Variants in OPHN1 observed in about 807,000 individuals in gnomAD.
OPHN1 encodes the protein oligophrenin 1.
Under a neutral mutation model 60.7 loss-of-function variants are expected in OPHN1, and 11 were observed. The ratio of observed to expected loss-of-function variants is 0.18; its 90% CI spans 0.11 to 0.30. The LOEUF (loss-of-function observed/expected upper bound fraction) is 0.30. Among genes scored for constraint, OPHN1 ranks in the 10% least tolerant of loss-of-function variants. The probability of loss-of-function intolerance (pLI) is 1.00; values close to 1 mark genes in which losing one functional copy is unlikely to be tolerated. For synonymous variants in OPHN1, 226 were observed against 222.6 expected, an observed-to-expected ratio of 1.02 and a Z score of -0.14; for missense variants, 449 against 611.0, an observed-to-expected ratio of 0.73 and a Z score of 2.80.
intron 18 of OPHN1, among the ~76,000 whole-genome samples, chrX:68,103,976 T>C (rs1469496500): frequency 8.9e-6 from 1 of 112,062 alleles, no homozygotes; most frequent in Non-Finnish European, 1.9e-5. Context: ...CAGCAAAGTC[T>C]CAGAAAACAA....
chrX:68,043,601 C>T lies in OPHN1; in HGVS notation c.*3571G>A, dbSNP rs1461943788. Reference sequence around the variant, plus strand: ...TTCTAGTTATTACAGAATCAAAGAACTTCTTGAAAAGAGAATACTTTCCCA... The same window carrying T: ...TTCTAGTTATTACAGAATCAAAGAATTTCTTGAAAAGAGAATACTTTCCCA... On this transcript the variant is annotated 3_prime_UTR_variant, in exon 25 of 25. Transcript: ENST00000355520. 1 of 111,328 alleles carries T rather than the reference C, an allele frequency of 9.0e-6. No individual in the cohort carries two copies. Among genetic ancestry groups the T allele is most frequent in the African/African-American group, 3.3e-5 (1 of 30,597 alleles). The allele number at this position is 111,328 out of a possible 1,213,427, so 9.2% of individuals were successfully genotyped here.
intron 2 of OPHN1, among the ~76,000 whole-genome samples, chrX:68,317,495 G>GAA (rs1445346072): frequency 2.3e-5 from 2 of 87,761 alleles, no homozygotes; most frequent in African/African-American, 8.9e-5. Context: ...GAGAGGGAGG[G>GAA]AGAGAGGGAG....
chrX:68,065,658 A>T (rs1270445133), intron 20 of OPHN1, among the ~76,000 whole-genome samples: 3 of 111,733 alleles, frequency 2.7e-5, no homozygotes, highest in Non-Finnish European at 5.6e-5. Context: ...CTGTACCTCA[A>T]ATTTTCTCCT....
chrX:68,420,530 A>G (rs1299912014), intron 2 of OPHN1, among the ~76,000 whole-genome samples: 1 of 111,604 alleles, frequency 9.0e-6, no homozygotes, highest in Admixed American at 9.6e-5. Context: ...CTAAAACCCA[A>G]CTCAATTTGT....
chrX:68,111,961 T>G lies in OPHN1; in HGVS notation c.1421-2A>C. On this transcript the variant is annotated splice_acceptor_variant, in intron 17 of 24. Coordinates refer to ENST00000355520, the MANE Select transcript of OPHN1 (RefSeq NM_002547.3). LOFTEE classifies it high-confidence loss of function. ...GGCGGTAATCCAGGTTGTCAGACTC[T>G]GGGATAGAACAGTAAGAGATAAATG... The G allele has an allele frequency of 8.6e-7, 1 of 1,164,063 alleles. No homozygotes were observed. The highest frequency in any genetic ancestry group is 1.2e-6 in the Non-Finnish European group (1 of 852,491).
chrX:68,326,432 C>T (rs1351621814), intron 2 of OPHN1, among the ~76,000 whole-genome samples: 1 of 2,765 alleles, frequency 3.6e-4, no homozygotes. Context: ...GCCTCTTCCC[C>T]GCCGCCATCC....
chrX:68,330,600 C>T, intron 2 of OPHN1, among the ~76,000 whole-genome samples: 1 of 109,410 alleles, frequency 9.1e-6, no homozygotes, highest in East Asian at 2.9e-4. Context: ...GGCGTTCGAG[C>T]CCAACCTGGG....
intron 5 of OPHN1, among the ~76,000 whole-genome samples, chrX:68,251,977 C>T (rs2147550578): frequency 8.9e-6 from 1 of 112,151 alleles, no homozygotes; most frequent in African/African-American, 3.2e-5. Flanking sequence ...TTGGGCTTGG[C>T]CATATGATTT....
intron 19 of OPHN1, among the ~76,000 whole-genome samples, chrX:68,077,219 C>T (rs1199183493): frequency 1.8e-5 from 2 of 111,390 alleles, no homozygotes; most frequent in Non-Finnish European, 3.8e-5. Flanking sequence ...TGGGTAAAAA[C>T]AGTCACCTTT....
At chrX:68,131,041 G>C (rs2077191979) in intron 15 of OPHN1, among the ~76,000 whole-genome samples, 1 of 110,844 alleles carries the variant, frequency 9.0e-6, no homozygotes, top group African/African-American at 3.3e-5. Flanking sequence ...AAAAATAAGG[G>C]AGAGATACCC....
At chrX:68,170,873 G>A (rs2077387692) in intron 15 of OPHN1, among the ~76,000 whole-genome samples, 1 of 107,777 alleles carries the variant, frequency 9.3e-6, no homozygotes, top group Non-Finnish European at 1.9e-5. Context: ...CATGGCACAT[G>A]TATACATATG....
At chrX:68,430,423 C>T (rs2078880198) in intron 2 of OPHN1, among the ~76,000 whole-genome samples, 1 of 112,028 alleles carries the variant, frequency 8.9e-6, no homozygotes, top group Non-Finnish European at 1.9e-5. Context: ...AAAACTACCA[C>T]AAATTTCAAG....
intron 2 of OPHN1, among the ~76,000 whole-genome samples, chrX:68,360,378 T>C (rs1380416320): frequency 9.0e-6 from 1 of 110,772 alleles, no homozygotes; most frequent in African/African-American, 3.3e-5. Flanking sequence ...AGTCTCATTA[T>C]GTTGCCCAGG....
intron 2 of OPHN1, among the ~76,000 whole-genome samples, chrX:68,363,862 G>A (rs1237437336): frequency 9.0e-6 from 1 of 110,783 alleles, no homozygotes; most frequent in Non-Finnish European, 1.9e-5. Flanking sequence ...GGGAATTGAG[G>A]GTACCTGAAA....
At chrX:68,151,392 T>A (rs2077284804) in intron 15 of OPHN1, among the ~76,000 whole-genome samples, 1 of 111,430 alleles carries the variant, frequency 9.0e-6, no homozygotes, top group African/African-American at 3.3e-5. Context: ...TAGGTATGAG[T>A]CAATTGAGGC....
intron 5 of OPHN1, among the ~76,000 whole-genome samples, chrX:68,271,251 C>T (rs780218666): frequency 3.6e-5 from 4 of 110,195 alleles, no homozygotes; most frequent in Admixed American, 9.7e-5. Context: ...TTTGGTGGGG[C>T]GTGGTAGCTC....
chrX:68,381,687 A>G (rs1793955239), intron 2 of OPHN1, among the ~76,000 whole-genome samples: 1 of 111,458 alleles, frequency 9.0e-6, no homozygotes, highest in South Asian at 3.8e-4. Flanking sequence ...ACAGAGCTTA[A>G]CAGTACCAAC....
intron 2 of OPHN1, among the ~76,000 whole-genome samples, chrX:68,336,820 G>A (rs777670030): frequency 1.8e-5 from 2 of 110,516 alleles, no homozygotes; most frequent in African/African-American, 6.6e-5. Context: ...TTGGGAGACC[G>A]AGGTGGGAGG....
chrX:68,252,860 G>GA (rs1183673483), intron 5 of OPHN1, among the ~76,000 whole-genome samples: 1 of 109,910 alleles, frequency 9.1e-6, no homozygotes, highest in Admixed American at 9.8e-5. Flanking sequence ...AAGTAAATAA[G>GA]AAAAAAAATC....
Sources: gnomAD v4.1 joint callset for allele counts (sites outside exome capture counted in the v4.1 genomes callset) on GRCh38, gnomAD v4.1.1 for gene constraint, MANE v1.5 for transcripts, NCBI Gene and HGNC (gene_info 2026-07-23, HGNC 2026-07-21) for gene names.